CTNNA2: variants seen among roughly 807,000 people sequenced by gnomAD.
The protein encoded by CTNNA2 is catenin alpha 2, also known as catenin alpha-2.
In CTNNA2, 42 loss-of-function variants were observed where a neutral mutation model predicts 101.0. The ratio of observed to expected loss-of-function variants is 0.42; its 90% CI spans 0.32 to 0.54. CTNNA2 has a LOEUF of 0.54. CTNNA2 is among the 20% of genes least tolerant of loss of function. The pLI is 0.14. For synonymous variants in CTNNA2, 450 were observed against 456.4 expected (o/e 0.99, Z 0.18); for missense variants, 871 against 1,223.1 (o/e 0.71, Z 4.29).
chr2:79,857,774 G>C (rs1030811651), intron 3 of CTNNA2, among the ~76,000 whole-genome samples: 5 of 152,174 alleles, frequency 3.3e-5, no homozygotes, highest in Admixed American at 2.6e-4. Context: ...TTATTGATGT[G>C]AAAAGCATGA....
intron 7 of CTNNA2, among the ~76,000 whole-genome samples, chr2:80,370,358 G>A (rs548596048): frequency 2.5e-4 from 38 of 152,168 alleles, no homozygotes; most frequent in Non-Finnish European, 4.7e-4. Context: ...AGGGCTGTGT[G>A]TTTGTGGAAA....
chr2:79,231,573 G>T (rs1214508045), intron 2 of CTNNA2, among the ~76,000 whole-genome samples: 1 of 152,132 alleles, frequency 6.6e-6, no homozygotes, highest in Non-Finnish European at 1.5e-5. Context: ...ATGAATTTTA[G>T]AATAGATTTC....
intron 7 of CTNNA2, among the ~76,000 whole-genome samples, chr2:80,260,059 A>G (rs1007719705): frequency 2.0e-5 from 3 of 152,198 alleles, no homozygotes; most frequent in African/African-American, 2.4e-5. Context: ...CAGTAATCCA[A>G]TGAGCTTGGT....
At chr2:79,694,164 C>T (rs1343753203) in intron 2 of CTNNA2, among the ~76,000 whole-genome samples, 1 of 151,780 alleles carries the variant, frequency 6.6e-6, no homozygotes, top group Non-Finnish European at 1.5e-5. Flanking sequence ...AATTGCGTCG[C>T]CTAATTTAGA....
intron 1 of CTNNA2, among the ~76,000 whole-genome samples, chr2:79,635,492 A>G (rs997017863): frequency 6.6e-6 from 1 of 151,676 alleles, no homozygotes; most frequent in Non-Finnish European, 1.5e-5. Context: ...GGCTTGATAC[A>G]TGATAGTTCT....
At chr2:80,606,205 T>C (rs1035942108) in intron 16 of CTNNA2, among the ~76,000 whole-genome samples, 1 of 151,862 alleles carries the variant, frequency 6.6e-6, no homozygotes, top group African/African-American at 2.4e-5. Context: ...CATTACACTT[T>C]AAATCTCAAT....
intron 7 of CTNNA2, among the ~76,000 whole-genome samples, chr2:79,974,032 T>C (rs1368466619): frequency 6.6e-6 from 1 of 152,146 alleles, no homozygotes; most frequent in Admixed American, 6.5e-5. Flanking sequence ...TGTGATACTT[T>C]TTGTTATCAG....
intron 1 of CTNNA2, among the ~76,000 whole-genome samples, chr2:79,531,910 G>T (rs542526024): frequency 4.4e-4 from 67 of 152,146 alleles, no homozygotes; most frequent in African/African-American, 1.6e-3. Context: ...TCGAACTCCT[G>T]ACCTCGTGAT....
intron 3 of CTNNA2, among the ~76,000 whole-genome samples, chr2:79,827,201 A>G (rs1253046658): frequency 6.6e-6 from 1 of 151,726 alleles, no homozygotes; most frequent in Non-Finnish European, 1.5e-5. Context: ...ACCACGCCCA[A>G]CTAATTTTTT....
chr2:80,595,479 T>C (rs1696872858), intron 15 of CTNNA2, among the ~76,000 whole-genome samples: 1 of 152,198 alleles, frequency 6.6e-6, no homozygotes, highest in African/African-American at 2.4e-5. Flanking sequence ...ACTTGCCTGA[T>C]TGCACTGGCT....
At chr2:79,462,064 GA>G (rs1316918085) in intron 4 of CTNNA2, among the ~76,000 whole-genome samples, 4 of 152,082 alleles carry the variant, frequency 2.6e-5, no homozygotes, top group African/African-American at 9.7e-5. Context: ...TTACCGATAT[GA>G]AAGGGAAAAG....
chr2:80,493,951 A>T (rs1687249599), intron 9 of CTNNA2, among the ~76,000 whole-genome samples: 1 of 152,186 alleles, frequency 6.6e-6, no homozygotes, highest in African/African-American at 2.4e-5. Flanking sequence ...CACCTTTGTA[A>T]ACAGTGGAAT....
chr2:79,219,508 CTACTT>C (rs1277903052), intron 2 of CTNNA2, among the ~76,000 whole-genome samples: 13 of 152,124 alleles, frequency 8.5e-5, no homozygotes, highest in African/African-American at 3.1e-4. Context: ...TGGCTAGTGA[CTACTT>C]TATTTGTTAA....
chr2:80,302,906 G>A lies in CTNNA2; in HGVS notation c.1057-90305G>A, dbSNP rs1301932620. On this transcript the variant is annotated intron_variant, in intron 7 of 18. Transcript: ENST00000402739. The surrounding 1 kb of genome is among the most constrained non-coding windows in gnomAD (Gnocchi z 6.4). ...CCCGGCCAGGGTGATGCTTGTCAGG[G>A]ACTTCCAAGAGTTGAGGATCCGGGG... 41 of 1,614,122 alleles carry A rather than the reference G, an allele frequency of 2.5e-5. No individual in the cohort carries two copies. Among genetic ancestry groups the A allele is most frequent in the Non-Finnish European group, 3.5e-5 (41 of 1,180,026 alleles).
intron 18 of CTNNA2, among the ~76,000 whole-genome samples, chr2:80,627,457 C>G (rs900784580): frequency 6.6e-6 from 1 of 152,264 alleles, no homozygotes; most frequent in South Asian, 2.1e-4. Flanking sequence ...TTGCATTTCT[C>G]TAATGATCAG....
chr2:79,874,309 C>T lies in CTNNA2; in HGVS notation c.819C>T (p.Ile273=), dbSNP rs531758526. 1.7e-5 allele frequency: 27 copies of T among 1,613,842 alleles called. No homozygotes were observed. The East Asian group carries it at 3.1e-4, about 19-fold the overall frequency. ...ACGAAGCCAAGGGCCACACGGGCATCGGCGAGCTGGCTGCGGCTCTTAATG... is the reference window on the plus strand; with the variant it reads ...ACGAAGCCAAGGGCCACACGGGCATTGGCGAGCTGGCTGCGGCTCTTAATG... ...PTDEAKGHTG[I]GELAAALNEF... is the part of the protein sequence containing the mutation. Residue 273 remains isoleucine (I), a synonymous_variant, in exon 6 of 19, where the codon ATC becomes ATT. Transcript: ENST00000402739.
At chr2:79,612,312 G>T (rs749716666) in intron 1 of CTNNA2, among the ~76,000 whole-genome samples, 1 of 152,126 alleles carries the variant, frequency 6.6e-6, no homozygotes, top group African/African-American at 2.4e-5. Context: ...AGGGGAAGCC[G>T]TTTGAATTTT....
intron 7 of CTNNA2, among the ~76,000 whole-genome samples, chr2:80,222,681 G>A (rs7605948): frequency 0.19 from 28,807 of 152,104 alleles, 3,756 homozygotes; most frequent in African/African-American, 0.36. Flanking sequence ...GTACAAGGAT[G>A]TACAAGAAAA....
intron 6 of CTNNA2, among the ~76,000 whole-genome samples, chr2:79,893,538 A>G (rs780091208): frequency 2.6e-5 from 4 of 152,220 alleles, no homozygotes; most frequent in Non-Finnish European, 5.9e-5. Context: ...CCCCAATTTT[A>G]GACATTTACA....
Sources: gnomAD v4.1 joint callset for allele counts (sites outside exome capture counted in the v4.1 genomes callset) on GRCh38, gnomAD v4.1.1 for gene constraint, Gnocchi (gnomAD v3.1) non-coding constraint, MANE v1.5 for transcripts, NCBI Gene and HGNC (gene_info 2026-07-23, HGNC 2026-07-21) for gene names.